The following NOL4 variants were observed in gnomAD, a reference collection of about 807,000 sequenced individuals.
NOL4 encodes the protein nucleolar protein 4, also known as cancer/testis antigen 125.
NOL4 carries 17 observed loss-of-function variants against 75.9 expected under a neutral mutation model. The observed-to-expected ratio is 0.22, with a 90% CI of 0.15 to 0.34. NOL4 has a LOEUF of 0.34. Ranked by LOEUF, NOL4 falls within the 10% of genes least tolerant of loss-of-function variation. The pLI, the probability that NOL4 is intolerant of heterozygous loss-of-function variation, is 1.00. For missense variants in NOL4, 614 were observed against 793.5 expected, an observed-to-expected ratio of 0.77 and a Z score of 2.72; for synonymous variants, 292 against 289.9, an observed-to-expected ratio of 1.01 and a Z score of -0.07.
intron 6 of NOL4, among the ~76,000 whole-genome samples, chr18:33,983,198 G>A (rs1487899545): frequency 2.0e-5 from 3 of 152,054 alleles, no homozygotes; most frequent in Non-Finnish European, 2.9e-5. Flanking sequence ...GGGGGAGGAA[G>A]GGATAAATGG....
At chr18:34,144,156 G>A (rs1290361344) in intron 1 of NOL4, among the ~76,000 whole-genome samples, 6 of 151,996 alleles carry the variant, frequency 3.9e-5, no homozygotes, top group Non-Finnish European at 8.8e-5. Context: ...TATTCATGAC[G>A]AGTTTTGAGC....
chr18:34,038,000 G>A (rs2075983395), intron 5 of NOL4, among the ~76,000 whole-genome samples: 1 of 151,898 alleles, frequency 6.6e-6, no homozygotes, highest in African/African-American at 2.4e-5. Flanking sequence ...TCATCCAGTG[G>A]GGACTAATAC....
intron 1 of NOL4, among the ~76,000 whole-genome samples, chr18:34,193,501 C>G (rs1197356463): frequency 1.3e-5 from 2 of 152,100 alleles, no homozygotes; most frequent in African/African-American, 4.8e-5. Flanking sequence ...CTCAAAATCA[C>G]TAATCATCAG....
At chr18:34,056,607 T>C (rs1269115438) in intron 5 of NOL4, among the ~76,000 whole-genome samples, 1 of 152,116 alleles carries the variant, frequency 6.6e-6, no homozygotes, top group Non-Finnish European at 1.5e-5. Flanking sequence ...AACCAGAATA[T>C]CTGACTCACA....
chr18:34,117,746 A>C (rs2079928161), intron 2 of NOL4, among the ~76,000 whole-genome samples: 1 of 152,174 alleles, frequency 6.6e-6, no homozygotes, highest in South Asian at 2.1e-4. Flanking sequence ...AGAATTTAGG[A>C]GAGGAATGTA....
At chr18:34,038,072 T>C (rs1349714022) in intron 5 of NOL4, among the ~76,000 whole-genome samples, 2 of 152,000 alleles carry the variant, frequency 1.3e-5, no homozygotes, top group African/African-American at 4.8e-5. Context: ...TCTTAAAAAT[T>C]CGGCAAAGGA....
intron 9 of NOL4, among the ~76,000 whole-genome samples, chr18:33,911,244 A>G (rs1471483973): frequency 7.0e-6 from 1 of 142,196 alleles, no homozygotes; most frequent in East Asian, 2.1e-4. Flanking sequence ...TGCATTTACT[A>G]TCCTGGTAAT....
chr18:34,026,486 C>A (rs113249053), intron 5 of NOL4, among the ~76,000 whole-genome samples: 386 of 152,240 alleles, frequency 2.5e-3, no homozygotes, highest in Middle Eastern at 0.017. Context: ...GTTATCAATT[C>A]CAGAGTTGCT....
intron 4 of NOL4, among the ~76,000 whole-genome samples, chr18:34,097,915 C>T (rs1005974512): frequency 1.3e-5 from 2 of 152,096 alleles, no homozygotes; most frequent in African/African-American, 4.8e-5. Context: ...AGTTTAAACC[C>T]TCACCAACAG....
chr18:34,044,986 A>G (rs536135407), intron 5 of NOL4, among the ~76,000 whole-genome samples: 1 of 152,168 alleles, frequency 6.6e-6, no homozygotes, highest in Non-Finnish European at 1.5e-5. Flanking sequence ...GAGTGTTTTT[A>G]TGAAATCTTG....
intron 8 of NOL4, 26 bp downstream of exon 8, chr18:33,957,300 G>A (rs978472601): frequency 2.5e-6 from 4 of 1,589,680 alleles, no homozygotes; most frequent in Admixed American, 1.7e-5. Context: ...ATGGAGTCTA[G>A]GGCTGTGTTT....
chr18:34,175,369 C>T (rs182928903), intron 1 of NOL4, among the ~76,000 whole-genome samples: 183 of 152,246 alleles, frequency 1.2e-3, no homozygotes, highest in African/African-American at 4.0e-3. Flanking sequence ...ATCTTTGCAG[C>T]TGCCTAAAGC....
chr18:34,031,576 A>G (rs1428328328), intron 5 of NOL4, among the ~76,000 whole-genome samples: 1 of 152,210 alleles, frequency 6.6e-6, no homozygotes, highest in African/African-American at 2.4e-5. Context: ...GGCATTTCAT[A>G]TATGCCTCCT....
At chr18:34,082,737 T>C (rs1315696908) in intron 5 of NOL4, among the ~76,000 whole-genome samples, 1 of 152,142 alleles carries the variant, frequency 6.6e-6, no homozygotes, top group South Asian at 2.1e-4. Flanking sequence ...ATTTCTCTTG[T>C]TTGTTTCATC....
intron 1 of NOL4, among the ~76,000 whole-genome samples, chr18:34,136,046 T>G (rs1316102759): frequency 6.6e-6 from 1 of 152,168 alleles, no homozygotes; most frequent in African/African-American, 2.4e-5. Flanking sequence ...TGAAATGAAT[T>G]AATTTAATAT....
At chr18:34,186,412 C>G (rs867747994) in intron 1 of NOL4, among the ~76,000 whole-genome samples, 1 of 152,122 alleles carries the variant, frequency 6.6e-6, no homozygotes, top group African/African-American at 2.4e-5. Context: ...GATTAGGTGA[C>G]AAATATTCAT....
chr18:33,902,555 G>A (rs1288234330), intron 9 of NOL4, among the ~76,000 whole-genome samples: 1 of 152,046 alleles, frequency 6.6e-6, no homozygotes, highest in African/African-American at 2.4e-5. Context: ...ATTTTTCCAT[G>A]TAACCCAAGA....
intron 5 of NOL4, among the ~76,000 whole-genome samples, chr18:34,037,049 C>G (rs753000039): frequency 2.0e-5 from 3 of 152,130 alleles, no homozygotes; most frequent in Non-Finnish European, 4.4e-5. Flanking sequence ...CCAAAAAACT[C>G]TTATATCTGA....
At chr18:33,968,849 T>G (rs1225129910) in intron 6 of NOL4, among the ~76,000 whole-genome samples, 2 of 152,222 alleles carry the variant, frequency 1.3e-5, no homozygotes, top group African/African-American at 4.8e-5. Context: ...CCATTTTTCT[T>G]GGCTGCATGC....
Sources: gnomAD v4.1 joint callset for allele counts (sites outside exome capture counted in the v4.1 genomes callset) on GRCh38, gnomAD v4.1.1 for gene constraint, MANE v1.5 for transcripts, NCBI Gene and HGNC (gene_info 2026-07-23, HGNC 2026-07-21) for gene names.